ZNF117: variants seen among roughly 807,000 people sequenced by gnomAD.
ZNF117 encodes Krueppel-related zinc finger protein.
Under a neutral mutation model 41.2 loss-of-function variants are expected in ZNF117, and 37 were observed. That is an observed-to-expected ratio of 0.90 (90% confidence interval 0.69 to 1.18). ZNF117 has a LOEUF of 1.18. Ranked by LOEUF, ZNF117 falls within the 50% of genes most tolerant of loss-of-function variation. ZNF117 has a pLI of 0.00. For synonymous variants in ZNF117, 186 were observed against 186.6 expected (o/e 1.00, Z 0.02); for missense variants, 546 against 557.5 (o/e 0.98, Z 0.21).
exon 3 of ZNF117, chr7:64,977,716 C>A: frequency 1.1e-6 from 1 of 873,968 alleles, no homozygotes; most frequent in Non-Finnish European, 1.8e-6. Flanking sequence ...AAAGCTTTGC[C>A]ACATTCTTCA....
upstream of ZNF117, among the ~76,000 whole-genome samples, chr7:64,985,375 C>T (rs1397885653): frequency 6.6e-6 from 1 of 152,176 alleles, no homozygotes; most frequent in Admixed American, 6.5e-5. Flanking sequence ...AACTTAGTAT[C>T]TTTTAGTCTT....
At chr7:64,988,730 G>A (rs1786188638) in intron 1 of ZNF117, among the ~76,000 whole-genome samples, 1 of 152,100 alleles carries the variant, frequency 6.6e-6, no homozygotes, top group South Asian at 2.1e-4. Context: ...TCCTTAAACT[G>A]AAAAACTGAA....
Position 64,978,594 on chromosome 7 carries a change from AT to A in ZNF117, c.976del (p.Ile326PhefsTer28), listed in dbSNP as rs745377700. 8.1e-6 allele frequency: 13 copies of A among 1,612,668 alleles called. No homozygotes were observed. The highest frequency in any genetic ancestry group is 4.5e-5 in the East Asian group (2 of 44,820). On this transcript the variant is annotated frameshift_variant, in exon 3 of 3. Transcript: ENST00000620222. LOFTEE classifies it high-confidence loss of function. ...TTTGTAGGGTTTCTCTCCAGTATGAATTTTTTTATGGTCAGTAAGATTTGAA... is the reference window on the plus strand; with the variant it reads ...TTTGTAGGGTTTCTCTCCAGTATGAATTTTTTATGGTCAGTAAGATTTGAA...
chr7:64,989,624 T>TA (rs1244045437), intron 1 of ZNF117, among the ~76,000 whole-genome samples: 1 of 150,528 alleles, frequency 6.6e-6, no homozygotes, highest in Non-Finnish European at 1.5e-5. Flanking sequence ...GGGACCTAAT[T>TA]AAACTAAAGA....
exon 3 of ZNF117, chr7:64,975,024 T>A (rs1159513179): frequency 2.0e-5 from 3 of 152,016 alleles, no homozygotes; most frequent in Non-Finnish European, 1.5e-5. Context: ...AAATTTAACC[T>A]ATGGGAACAA....
intron 1 of ZNF117, among the ~76,000 whole-genome samples, chr7:64,989,446 T>TATAC (rs1786206495): frequency 1.9e-4 from 1 of 5,346 alleles, no homozygotes; most frequent in African/African-American, 2.2e-3. Flanking sequence ...CTTAAAATTA[T>TATAC]ATATATATAT....
Position 64,990,618 on chromosome 7 carries a change from T to C in ZNF117, c.-867A>G, listed in dbSNP as rs1786243039. On this transcript the variant is annotated 5_prime_UTR_variant, in exon 1 of 4. It removes an upstream start codon present in the reference 5' UTR. Coordinates refer to the ZNF117 transcript ENST00000282869. ...TTAAACATGTCTTGTGACCTTGCCA[T>C]GCTACAGAAAGAAAAACAAGAACTT... The C allele has an allele frequency of 6.6e-6, 1 of 152,274 alleles. No homozygotes were observed. Among genetic ancestry groups the C allele is most frequent in the Non-Finnish European group, 1.5e-5 (1 of 68,070 alleles). 9.4% of individuals were successfully genotyped at this position (152,274 alleles called of 1,614,324 possible). A position where few individuals can be genotyped will look rare whatever the true frequency, so the allele number is the denominator to read the frequency against.
chr7:64,989,769 A>T (rs577829731), intron 1 of ZNF117, among the ~76,000 whole-genome samples, 178 bp downstream of exon 1: 6 of 36,170 alleles, frequency 1.7e-4, no homozygotes, highest in African/African-American at 2.9e-4. Context: ...AATTTATTTT[A>T]AAAAAAAAGA....
chr7:64,989,461 A>T (rs1273975267), intron 1 of ZNF117, among the ~76,000 whole-genome samples: 1 of 42,528 alleles, frequency 2.4e-5, no homozygotes, highest in Non-Finnish European at 5.4e-5. Flanking sequence ...ATATATATAT[A>T]TATATATATA....
upstream of ZNF117, among the ~76,000 whole-genome samples, chr7:64,982,521 A>G (rs912509305): frequency 2.0e-5 from 3 of 152,202 alleles, no homozygotes; most frequent in African/African-American, 7.2e-5. Flanking sequence ...TAAACTTCAG[A>G]TCTCGTTAAT....
downstream of ZNF117, chr7:64,971,795 T>C (rs1785788697): frequency 6.6e-6 from 1 of 151,990 alleles, no homozygotes; most frequent in African/African-American, 2.4e-5. Context: ...TGACTTTTAT[T>C]ATTTAACCTC....
exon 3 of ZNF117, chr7:64,977,763 T>A: frequency 1.1e-6 from 1 of 910,822 alleles, no homozygotes; most frequent in South Asian, 1.3e-5. Flanking sequence ...AATTATTTTA[T>A]GTGTAGTAAG....
chr7:64,978,504 G>A lies in ZNF117; in HGVS notation c.1067C>T (p.Thr356Ile), dbSNP rs775155430. ...TCCACATTTGTAGGGTTTCTCTCCA[G>A]TATGAATTACCTTATGTCTAGTAAG... The change falls in exon 3 of 3, where the codon ACT (threonine) becomes ATT (isoleucine). Residue 356 changes from threonine (T) to isoleucine (I), a missense_variant. By Grantham distance (89) the Thr-to-Ile change is moderately conservative (BLOSUM62 -1). Coordinates refer to ENST00000620222, the Ensembl canonical transcript of ZNF117. 1.9e-6 allele frequency: 3 copies of A among 1,613,164 alleles called. No homozygotes were observed. In the East Asian group the frequency reaches 6.7e-5, roughly 36 times the overall value.
At chr7:64,971,886 T>C (rs1364715105), downstream of ZNF117, 1 of 151,738 alleles carries the variant, frequency 6.6e-6, no homozygotes, top group African/African-American at 2.4e-5. Context: ...TCTGATACAA[T>C]CAACAAAATG....
chr7:64,974,181 A>G (rs1785830661), downstream of ZNF117: 1 of 151,950 alleles, frequency 6.6e-6, no homozygotes, highest in Non-Finnish European at 1.5e-5. Context: ...AATATAATTA[A>G]TACACAATTT....
intron 2 of ZNF117, among the ~76,000 whole-genome samples, 156 bp from the exon 4 acceptor site, chr7:64,979,692 A>G (rs1457561825): frequency 6.6e-6 from 1 of 152,070 alleles, no homozygotes; most frequent in Non-Finnish European, 1.5e-5. Context: ...AAATGTAACA[A>G]GAGCATATTG....
chr7:64,981,677 C>T (rs569575015), intron 1 of ZNF117, among the ~76,000 whole-genome samples, 195 bp from the exon 3 acceptor site: 207 of 152,060 alleles, frequency 1.4e-3, no homozygotes, highest in Non-Finnish European at 2.4e-3. Context: ...CCTGGTACTA[C>T]TGAATCAAAA....
intron 1 of ZNF117, among the ~76,000 whole-genome samples, chr7:64,989,476 T>TAC (rs1786210719): frequency 1.0e-5 from 1 of 98,368 alleles, no homozygotes; most frequent in Non-Finnish European, 2.1e-5. Flanking sequence ...TATATATATA[T>TAC]ATATATATAT....
exon 3 of ZNF117, chr7:64,978,886 C>T (rs777504461): frequency 2.5e-6 from 4 of 1,613,598 alleles, no homozygotes; most frequent in Non-Finnish European, 3.4e-6. Flanking sequence ...TGGTTAAAAG[C>T]TCTAACACAT....
Sources: gnomAD v4.1 joint callset for allele counts (sites outside exome capture counted in the v4.1 genomes callset) on GRCh38, gnomAD v4.1.1 for gene constraint, MANE v1.5 for transcripts, NCBI Gene and HGNC (gene_info 2026-07-23, HGNC 2026-07-21) for gene names.